Variants in PRKCZ observed in about 807,000 individuals in gnomAD.
The protein encoded by PRKCZ is protein kinase C zeta, also known as protein kinase C zeta type.
Under a neutral mutation model 79.5 loss-of-function variants are expected in PRKCZ, and 33 were observed. The ratio of observed to expected loss-of-function variants is 0.41; its 90% CI spans 0.31 to 0.55. The LOEUF (loss-of-function observed/expected upper bound fraction) is 0.55, where lower values mean the gene tolerates loss of function less well. PRKCZ is among the 20% of genes least tolerant of loss of function. The probability of loss-of-function intolerance (pLI) is 0.19; values close to 1 mark genes in which losing one functional copy is unlikely to be tolerated. For synonymous variants in PRKCZ, 342 were observed against 320.9 expected (o/e 1.07, Z -0.70); for missense variants, 578 against 813.5 (o/e 0.71, Z 3.52).
At chr1:2,139,164 G>A (rs938858293) in intron 5 of PRKCZ, among the ~76,000 whole-genome samples, 20 of 152,230 alleles carry the variant, frequency 1.3e-4, no homozygotes, top group Non-Finnish European at 2.1e-4. Flanking sequence ...TGCTGGGACC[G>A]AGAAGCTGAG....
chr1:2,116,484 T>C (rs1000621304), intron 4 of PRKCZ, among the ~76,000 whole-genome samples: 1 of 152,188 alleles, frequency 6.6e-6, no homozygotes, highest in Admixed American at 6.5e-5. Flanking sequence ...AGTGCTTTGA[T>C]TTTTTGTGTT....
chr1:2,058,351 A>C (rs1408456382), intron 3 of PRKCZ, among the ~76,000 whole-genome samples: 3 of 138,760 alleles, frequency 2.2e-5, no homozygotes, highest in Admixed American at 1.6e-4. Flanking sequence ...GTGGTGGTGC[A>C]CCTGTAGTCC....
intron 4 of PRKCZ, among the ~76,000 whole-genome samples, chr1:2,062,655 G>C (rs535966630): frequency 6.6e-6 from 1 of 151,436 alleles, no homozygotes; most frequent in Non-Finnish European, 1.5e-5. Flanking sequence ...ACACTTGGCC[G>C]AGTTTTTCTT....
intron 9 of PRKCZ, 58 bp from the exon 10 acceptor site, chr1:2,155,937 A>G (rs1412545137): frequency 2.0e-6 from 3 of 1,469,582 alleles, no homozygotes; most frequent in Non-Finnish European, 2.9e-6. Context: ...CCCCTTGCCC[A>G]GGATGCCTGT....
intron 16 of PRKCZ, among the ~76,000 whole-genome samples, chr1:2,180,186 C>CA (rs1686280146): frequency 6.6e-6 from 1 of 152,214 alleles, no homozygotes; most frequent in Non-Finnish European, 1.5e-5. Context: ...CCGCGAACCC[C>CA]TCTGTCCACC....
chr1:2,164,774 G>A (rs545276388), intron 10 of PRKCZ, among the ~76,000 whole-genome samples: 1 of 152,302 alleles, frequency 6.6e-6, no homozygotes, highest in Admixed American at 6.5e-5. Context: ...ATCCCTGTGC[G>A]ATTGCCGGGC....
chr1:2,128,597 G>A lies in PRKCZ; in HGVS notation c.335-6665G>A, dbSNP rs1674385952. ...TGTCGGAGTTAAGGCTGAAAGAGGA[G>A]GAGCGGCCCCTGTGATCCCCACAAT... is the stretch of plus-strand genomic sequence containing the variant. On this transcript the variant is annotated intron_variant, in intron 4 of 17. Transcript: ENST00000378567. This position sits in a 1 kb window ranked among gnomAD's most constrained non-coding sequence, Gnocchi z 6.5. Among the ~76,000 whole-genome samples the A allele has an allele frequency of 6.6e-6, 1 of 152,186 alleles. No homozygotes were observed. The highest frequency in any genetic ancestry group is 2.4e-5 in the African/African-American group (1 of 41,452).
Position 2,173,762 on chromosome 1 carries a change from C to T in PRKCZ, c.1286-135C>T, listed in dbSNP as rs1684923136. ...GGTTCTGTTTGGGAAGTGGAAGTCA[C>T]AGAGGCCTGTGTGCCGCCTGCTCAA... On this transcript the variant is annotated intron_variant, in intron 13 of 17. Transcript: ENST00000378567. The surrounding 1 kb of genome is among the most constrained non-coding windows in gnomAD (Gnocchi z 5.7). The T allele has an allele frequency of 7.7e-7, 1 of 1,304,082 alleles. No homozygotes were observed. Among genetic ancestry groups the T allele is most frequent in the Non-Finnish European group, 1.0e-6 (1 of 973,430 alleles). 80.8% of individuals were successfully genotyped at this position (1,304,082 alleles called of 1,614,324 possible).
rs369542416 is a variant in PRKCZ at position 2,090,064 on chromosome 1, C to T, written c.334+30473C>T. ...CCCGGGCCCTTCCTCCCCGTGCGGCCGTGTCCACGTTACCCTCTGTTATGA... is the reference window on the plus strand; with the variant it reads ...CCCGGGCCCTTCCTCCCCGTGCGGCTGTGTCCACGTTACCCTCTGTTATGA... On this transcript the variant is annotated intron_variant, in intron 4 of 17. Coordinates refer to ENST00000378567, the MANE Select transcript of PRKCZ (RefSeq NM_002744.6). 4.6e-5 allele frequency among the ~76,000 whole-genome samples: 7 copies of T among 152,284 alleles called. No homozygotes were observed. The East Asian group carries it at 5.8e-4, about 13-fold the overall frequency.
chr1:2,069,101 C>T (rs1039262371), intron 4 of PRKCZ, among the ~76,000 whole-genome samples: 1 of 152,248 alleles, frequency 6.6e-6, no homozygotes, highest in Non-Finnish European at 1.5e-5. Flanking sequence ...GTCCGTTCTG[C>T]AGTCGCTTGT....
At chr1:2,161,842 C>A (rs978888786) in intron 10 of PRKCZ, among the ~76,000 whole-genome samples, 2 of 152,080 alleles carry the variant, frequency 1.3e-5, no homozygotes, top group African/African-American at 2.4e-5. Flanking sequence ...GCCCTGGAGC[C>A]ACCTGGAGTC....
At chr1:2,057,547 G>T (rs141630082) in intron 3 of PRKCZ, among the ~76,000 whole-genome samples, 1 of 152,068 alleles carries the variant, frequency 6.6e-6, no homozygotes, top group Non-Finnish European at 1.5e-5. Flanking sequence ...AATTTTCTTC[G>T]CCCTTTATAT....
chr1:2,158,491 G>A (rs1681558633), intron 10 of PRKCZ, among the ~76,000 whole-genome samples: 1 of 152,230 alleles, frequency 6.6e-6, no homozygotes, highest in African/African-American at 2.4e-5. Flanking sequence ...TTCCCGGAGT[G>A]AGTCAATGCC....
At chr1:2,132,429 T>C (rs974810410) in intron 4 of PRKCZ, among the ~76,000 whole-genome samples, 10 of 152,226 alleles carry the variant, frequency 6.6e-5, no homozygotes, top group Non-Finnish European at 1.3e-4. Flanking sequence ...TCCTCGTTTC[T>C]GAGCTGCGAG....
intron 10 of PRKCZ, among the ~76,000 whole-genome samples, chr1:2,161,988 C>A (rs1239170522): frequency 6.6e-6 from 1 of 152,098 alleles, no homozygotes; most frequent in Non-Finnish European, 1.5e-5. Flanking sequence ...CAGGAAAGAA[C>A]CTTCGTCCGC....
At chr1:2,124,177 G>A (rs78735002) in intron 4 of PRKCZ, among the ~76,000 whole-genome samples, 3 of 5,824 alleles carry the variant, frequency 5.2e-4, no homozygotes, top group African/African-American at 4.8e-3. Flanking sequence ...TCACGGCGGT[G>A]GTTAGGGTCA....
In PRKCZ at chr1:2,149,141, C is replaced by A. The variant is rs1266758293; in HGVS notation, c.687+217C>A. ...GAATACCTGCAGGCAGCTGTCCCCG[C>A]AGGTGGTCTGGGGACCACACCCTGC... On this transcript the variant is annotated intron_variant, in intron 8 of 17. Coordinates refer to ENST00000378567, the MANE Select transcript of PRKCZ (RefSeq NM_002744.6). The surrounding 1 kb of genome is among the most constrained non-coding windows in gnomAD (Gnocchi z 4.1). 6.6e-6 allele frequency among the ~76,000 whole-genome samples: 1 copy of A among 152,260 alleles called. No homozygotes were observed. The highest frequency in any genetic ancestry group is 2.4e-5 in the African/African-American group (1 of 41,470).
chr1:2,151,700 C>T (rs987053281), intron 9 of PRKCZ, among the ~76,000 whole-genome samples: 10 of 152,162 alleles, frequency 6.6e-5, no homozygotes, highest in African/African-American at 2.4e-4. Flanking sequence ...CTTACTCTGT[C>T]ACCCAGACTG....
At chr1:2,074,026 C>CTG in intron 4 of PRKCZ, 1 of 1,435,672 alleles carries the variant, frequency 7.0e-7, no homozygotes, top group Non-Finnish European at 9.1e-7. Flanking sequence ...GTGCCCGAGT[C>CTG]AGCATTTTGG....
Sources: allele counts gnomAD v4.1 joint callset (sites outside exome capture counted in the v4.1 genomes callset), GRCh38; gene constraint gnomAD v4.1.1; non-coding constraint Gnocchi (gnomAD v3.1); transcripts MANE v1.5; gene names NCBI Gene and HGNC (gene_info 2026-07-23, HGNC 2026-07-21).